Variants in SLC4A11 observed in about 807,000 individuals in gnomAD.
SLC4A11 encodes solute carrier family 4 member 11.
Under a neutral mutation model 95.0 loss-of-function variants are expected in SLC4A11, and 74 were observed. The ratio of observed to expected loss-of-function variants is 0.78; its 90% CI spans 0.65 to 0.95. The LOEUF is 0.95. Among genes scored for constraint, SLC4A11 ranks in the 40% least tolerant of loss-of-function variants. SLC4A11 has a pLI of 0.00. For synonymous variants in SLC4A11, 548 were observed against 519.0 expected, an observed-to-expected ratio of 1.06 and a Z score of -0.76; for missense variants, 1,081 against 1,192.4, an observed-to-expected ratio of 0.91 and a Z score of 1.38.
At chr20:3,229,060 G>GGGCCCCCCCCCCCCC in intron 16 of SLC4A11, 35 bp downstream of exon 16, 2 of 1,542,028 alleles carry the variant, frequency 1.3e-6, no homozygotes, top group Non-Finnish European at 1.7e-6. Flanking sequence ...AGAGGCCCGG[G>GGGCCCCCCCCCCCCC]CCCCGCCCAC....
At position 3,239,096 on chromosome 20, in the gene SLC4A11, G is replaced by A. The variant is rs2068077614; in HGVS notation, c.42C>T (p.Cys14=). ...GCGCCCCCGGGTTCAGGCACCCACC[G>A]CACGGCTGCAGATGGAACACGCGCC... is the stretch of plus-strand genomic sequence containing the variant. The part of the protein sequence containing the change: ...ATRRVFHLQP[C]ENSPTMSQNG... Residue 14 remains cysteine, a splice_region_variant and synonymous_variant, in exon 1 of 20, where the codon TGC becomes TGT. Coordinates refer to ENST00000642402, the MANE Select transcript of SLC4A11 (RefSeq NM_001174089.2). 1.3e-5 allele frequency: 19 copies of A among 1,476,930 alleles called. No individual in the cohort carries two copies. Among genetic ancestry groups the A allele is most frequent in the Non-Finnish European group, 1.7e-5 (19 of 1,118,548 alleles). 91.5% of individuals were successfully genotyped at this position (1,476,930 alleles called of 1,614,324 possible).
Position 3,231,346 on chromosome 20 carries a change from G to A in SLC4A11, c.932C>T (p.Ala311Val), listed in dbSNP as rs760889152. ...TKERSTVSLP[A>V]HRHPEPPKCK... is the part of the protein sequence containing the mutation. ...ACCCTGTACCTCTGGGTGTCTGTGG[G>A]CAGGGAGGGAGACTGTGCTGCGTTC... Residue 311 changes from alanine (A) to valine (V), a missense_variant, in exon 8 of 20, where the codon GCC becomes GTC. Around this residue, in one of 3 missense-constraint regions of SLC4A11, gnomAD observed 767 missense variants for 858.0 expected, o/e 0.89. Transcript: ENST00000642402. The surrounding 1 kb of genome is among the most constrained non-coding windows in gnomAD (Gnocchi z 5.2). The A allele has an allele frequency of 4.3e-6, 7 of 1,613,900 alleles. No homozygotes were observed. The East Asian group carries it at 1.1e-4, about 26-fold the overall frequency.
intron 1 of SLC4A11, chr20:3,238,496 A>C: frequency 1.0e-6 from 1 of 1,003,694 alleles, no homozygotes; most frequent in Non-Finnish European, 1.2e-6. Context: ...GGGCCGGTGC[A>C]CACTCCGCTT....
In SLC4A11 at chr20:3,227,786, G is replaced by C. The variant is rs1363947860; in HGVS notation, c.*1C>G. ...AATGGGGCGTGGGCAGGGTCTGCCA[G>C]TCAAGGCCTGTGCTCAGCGTCCATG... On this transcript the variant is annotated 3_prime_UTR_variant, in exon 20 of 20. Coordinates refer to ENST00000642402, the MANE Select transcript of SLC4A11 (RefSeq NM_001174089.2). 1 of 1,613,034 alleles carries C rather than the reference G, an allele frequency of 6.2e-7. No homozygotes were observed. Among genetic ancestry groups the C allele is most frequent in the South Asian group, 1.1e-5 (1 of 91,080 alleles).
chr20:3,237,459 G>A, intron 2 of SLC4A11, 85 bp downstream of exon 2: 1 of 1,384,722 alleles, frequency 7.2e-7, no homozygotes. Context: ...AAAGCCACAG[G>A]ACTCTGGTGG....
intron 2 of SLC4A11, among the ~76,000 whole-genome samples, chr20:3,237,011 G>A (rs1336389483): frequency 6.6e-6 from 1 of 152,090 alleles, no homozygotes; most frequent in Non-Finnish European, 1.5e-5. Context: ...CTGTGTCTAC[G>A]CACTGCTCTA....
In SLC4A11 at chr20:3,231,279, G is replaced by A. The variant is rs559373649; in HGVS notation, c.949-37C>T. The A allele has an allele frequency of 3.2e-5, 52 of 1,613,436 alleles. 1 individual carries two copies. The highest frequency in any genetic ancestry group is 1.6e-4 in the African/African-American group (12 of 75,032). ...GACAGAGCGCCTGTTAGCCCTGTCC[G>A]GCCCATGCCCCCGCCGACCCTGCCG... On this transcript the variant is annotated intron_variant, in intron 8 of 19. Transcript: ENST00000642402. This position sits in a 1 kb window ranked among gnomAD's most constrained non-coding sequence, Gnocchi z 5.2.
rs2067752227 is a variant in SLC4A11 at position 3,231,045 on chromosome 20, T to C, written c.1056A>G (p.Lys352=). 1 of 1,613,828 alleles carries C rather than the reference T, an allele frequency of 6.2e-7. No individual in the cohort carries two copies. The highest frequency in any genetic ancestry group is 8.5e-7 in the Non-Finnish European group (1 of 1,180,006). ...TGATGTATTTGCCCACAGCCTTGTT[T>C]TTCCCAATAATGCCTAGGAATGGGG... ...PLDFTDGIIG[K]NKAVGKYITT... The change falls in exon 10 of 20, where the codon AAA becomes AAG. Residue 352 remains lysine, a synonymous_variant. Coordinates refer to ENST00000642402, the MANE Select transcript of SLC4A11 (RefSeq NM_001174089.2). This position sits in a 1 kb window ranked among gnomAD's most constrained non-coding sequence, Gnocchi z 5.2.
In SLC4A11 at chr20:3,234,842, C is replaced by T; in HGVS notation, c.141G>A (p.Leu47=). 1 of 1,614,084 alleles carries T rather than the reference C, an allele frequency of 6.2e-7. No individual in the cohort carries two copies. Among genetic ancestry groups the T allele is most frequent in the Non-Finnish European group, 8.5e-7 (1 of 1,180,036 alleles). ...DDTFEAREEI[L]GDEAFDTANS... is the part of the protein sequence containing the mutation. Reference sequence around the variant, plus strand: ...TGGCAGTGTCGAAGGCCTCATCCCCCAGGATCTCCTCTCGGGCTTCGAAGG... The same window carrying T: ...TGGCAGTGTCGAAGGCCTCATCCCCTAGGATCTCCTCTCGGGCTTCGAAGG... The change falls in exon 3 of 20, where the codon CTG becomes CTA. Residue 47 remains leucine, a synonymous_variant. Transcript: ENST00000642402. This position sits in a 1 kb window ranked among gnomAD's most constrained non-coding sequence, Gnocchi z 5.8.
chr20:3,230,371 C>T, intron 12 of SLC4A11, 111 bp from the exon 13 acceptor site: 1 of 1,575,508 alleles, frequency 6.3e-7, no homozygotes. Context: ...GGAAGAAGGC[C>T]AGGGCCCCAG....
At chr20:3,230,119 G>A (rs1436474883) in intron 13 of SLC4A11, 68 bp downstream of exon 13, 4 of 1,554,930 alleles carry the variant, frequency 2.6e-6, no homozygotes, top group Non-Finnish European at 3.5e-6. Context: ...CCCCCAGCCA[G>A]GGGCAGTGCA....
intron 6 of SLC4A11, 62 bp downstream of exon 6, chr20:3,233,859 G>C: frequency 6.3e-7 from 1 of 1,584,206 alleles, no homozygotes; most frequent in Non-Finnish European, 8.6e-7. Flanking sequence ...CAGGGCACAG[G>C]GGACATGGGA....
chr20:3,234,786 C>T lies in SLC4A11; in HGVS notation c.197G>A (p.Arg66His), dbSNP rs200106947. 12 of 1,614,048 alleles carry T rather than the reference C, an allele frequency of 7.4e-6. No individual in the cohort carries two copies. Among genetic ancestry groups the T allele is most frequent in the Middle Eastern group, 1.6e-4 (1 of 6,062 alleles). ...CTCAAGGTTGACATTGACAAAAAAACGGATACTCTCGCCAGACACGATGGA... is the reference window on the plus strand; with the variant it reads ...CTCAAGGTTGACATTGACAAAAAAATGGATACTCTCGCCAGACACGATGGA... ...NSSIVSGESI[R>H]FFVNVNLEMQ... Residue 66 changes from arginine (R) to histidine (H), a missense_variant, in exon 3 of 20, where the codon CGT becomes CAT. Arg to His is a conservative substitution (Grantham distance 29). Around this residue, in one of 3 missense-constraint regions of SLC4A11, gnomAD observed 310 missense variants for 313.5 expected, o/e 0.99. Coordinates refer to ENST00000642402, the MANE Select transcript of SLC4A11 (RefSeq NM_001174089.2). This position sits in a 1 kb window ranked among gnomAD's most constrained non-coding sequence, Gnocchi z 5.8.
At chr20:3,228,152 C>CCCCAAAA in intron 19 of SLC4A11, 107 bp downstream of exon 19, 1 of 987,910 alleles carries the variant, frequency 1.0e-6, no homozygotes, top group Non-Finnish European at 1.5e-6. Context: ...CCCAACCCGC[C>CCCCAAAA]CATTCTCCGC....
chr20:3,233,425 A>T, intron 7 of SLC4A11, 89 bp downstream of exon 7: 1 of 1,590,382 alleles, frequency 6.3e-7, no homozygotes, highest in Non-Finnish European at 8.6e-7. Flanking sequence ...AGGCCTTCAG[A>T]GGCCAGGACA....
rs1358838665 is a variant in SLC4A11, at chr20:3,234,883, A to G, written c.100T>C (p.Cys34Arg). Residue 34 changes from cysteine (C) to arginine (R), a missense_variant, in exon 3 of 20, where the codon TGT becomes CGT. Around this residue, in one of 3 missense-constraint regions of SLC4A11, gnomAD observed 310 missense variants for 313.5 expected, o/e 0.99. Transcript: ENST00000642402. This position sits in a 1 kb window ranked among gnomAD's most constrained non-coding sequence, Gnocchi z 5.8. The part of the protein sequence containing the change: ...GYFEDSSYYK[C>R]DTDDTFEARE... ...GCTTCGAAGGTGTCATCTGTGTCAC[A>G]CTTGTAGTAGCCTAGAGACCCCCAA... 1.9e-6 allele frequency: 3 copies of G among 1,613,838 alleles called. No individual in the cohort carries two copies. In the East Asian group the frequency reaches 6.7e-5, roughly 36 times the overall value.
At chr20:3,238,852 G>A (rs894623569) in intron 1 of SLC4A11, 8 of 1,215,952 alleles carry the variant, frequency 6.6e-6, no homozygotes, top group Non-Finnish European at 8.2e-6. Context: ...AACCTGGTAA[G>A]AAATTCAAGA....
At chr20:3,235,269 G>C (rs2067932658) in intron 2 of SLC4A11, among the ~76,000 whole-genome samples, 1 of 149,910 alleles carries the variant, frequency 6.7e-6, no homozygotes, top group African/African-American at 2.5e-5. Flanking sequence ...CAGAGAAGCT[G>C]CAGTATCCAC....
intron 1 of SLC4A11, 158 bp downstream of exon 1, chr20:3,238,937 C>T: frequency 7.9e-7 from 1 of 1,262,892 alleles, no homozygotes; most frequent in Non-Finnish European, 1.0e-6. Flanking sequence ...CGCACCCGCG[C>T]CCTCCTCCCC....
Sources: gnomAD v4.1 joint callset for allele counts (sites outside exome capture counted in the v4.1 genomes callset) on GRCh38, gnomAD v4.1.1 for gene constraint, gnomAD v4.1.1 regional missense constraint, Gnocchi (gnomAD v3.1) non-coding constraint, MANE v1.5 for transcripts, NCBI Gene and HGNC (gene_info 2026-07-23, HGNC 2026-07-21) for gene names.